NFE2L2: variants seen among roughly 807,000 people sequenced by gnomAD.
The protein encoded by NFE2L2 is NFE2 like bZIP transcription factor 2, also known as nuclear factor erythroid 2-related factor 2.
Under a neutral mutation model 49.6 loss-of-function variants are expected in NFE2L2, and 20 were observed. That is an observed-to-expected ratio of 0.40 (90% CI 0.28 to 0.59). NFE2L2 has a LOEUF of 0.59. Ranked by LOEUF, NFE2L2 falls within the 20% of genes least tolerant of loss-of-function variation. NFE2L2 has a pLI of 0.40. For missense variants in NFE2L2, 578 were observed against 714.2 expected, an observed-to-expected ratio of 0.81 and a Z score of 2.17; for synonymous variants, 244 against 256.5, an observed-to-expected ratio of 0.95 and a Z score of 0.47.
chr2:177,241,690 C>A (rs1689943428), intron 1 of NFE2L2, among the ~76,000 whole-genome samples: 1 of 151,924 alleles, frequency 6.6e-6, no homozygotes, highest in African/African-American at 2.4e-5. Flanking sequence ...CTCAACTCTA[C>A]AAAAAAATTT....
At chr2:177,243,473 T>A (rs1166405111) in intron 1 of NFE2L2, among the ~76,000 whole-genome samples, 1 of 152,208 alleles carries the variant, frequency 6.6e-6, no homozygotes, top group Non-Finnish European at 1.5e-5. Flanking sequence ...ATCCTGGATT[T>A]GTAAAGATAA....
At chr2:177,263,502 A>G in intron 1 of NFE2L2, 1 of 985,494 alleles carries the variant, frequency 1.0e-6, no homozygotes. Flanking sequence ...GAAAATAGCA[A>G]TTGCGCAACA....
At chr2:177,254,407 A>C (rs1412421927) in intron 1 of NFE2L2, among the ~76,000 whole-genome samples, 1 of 152,184 alleles carries the variant, frequency 6.6e-6, no homozygotes, top group African/African-American at 2.4e-5. Context: ...AAAAAACAAG[A>C]AAGTAATATT....
intron 4 of NFE2L2, 179 bp downstream of exon 4, chr2:177,232,213 G>A (rs1689578813): frequency 1.1e-6 from 1 of 894,320 alleles, no homozygotes. Context: ...TCAGACGTCA[G>A]GTTTATAACA....
intron 1 of NFE2L2, 69 bp downstream of exon 1, chr2:177,264,463 G>A: frequency 6.8e-7 from 1 of 1,472,264 alleles, no homozygotes; most frequent in Non-Finnish European, 9.1e-7. Context: ...TCCCTCCCGG[G>A]CCGCGGTTCC....
chr2:177,237,763 C>T (rs528983808), intron 1 of NFE2L2, among the ~76,000 whole-genome samples: 2 of 152,346 alleles, frequency 1.3e-5, no homozygotes, highest in South Asian at 4.1e-4. Flanking sequence ...AAGTGATCTG[C>T]CTGCCTCGGC....
chr2:177,257,739 C>A (rs182287178), intron 1 of NFE2L2, among the ~76,000 whole-genome samples: 1 of 152,312 alleles, frequency 6.6e-6, no homozygotes, highest in East Asian at 1.9e-4. Flanking sequence ...CCCGCCTGAG[C>A]TCCACCTCCT....
intron 1 of NFE2L2, among the ~76,000 whole-genome samples, chr2:177,247,883 C>T (rs115116838): frequency 0.013 from 2,039 of 152,172 alleles, 46 homozygotes; most frequent in African/African-American, 0.046. Flanking sequence ...AAGACCGAGG[C>T]TGGGCAAAGT....
rs756983196 is a variant in NFE2L2 at position 177,231,900 on chromosome 2, T to C, written c.703A>G (p.Met235Val). 34 of 1,614,094 alleles carry C rather than the reference T, an allele frequency of 2.1e-5. No individual in the cohort carries two copies. In the East Asian group the frequency reaches 4.7e-4, roughly 22 times the overall value. The part of the protein sequence containing the change: ...NYHFYSSIPS[M>V]EKEVGNCSPH... ...CTACAGTTACCTACTTCTTTTTCCA[T>C]TGAGGGTATAGATGAGTAAAAATGA... The change falls in exon 5 of 5, where the codon ATG becomes GTG. Residue 235 changes from methionine (M) to valine (V), a missense_variant. Met to Val is a conservative substitution (Grantham distance 21). Around this residue, in one of 3 missense-constraint regions of NFE2L2, gnomAD observed 368 missense variants for 384.6 expected, o/e 0.96. Transcript: ENST00000397062.
At chr2:177,258,825 A>T (rs1690623014) in intron 1 of NFE2L2, among the ~76,000 whole-genome samples, 1 of 152,200 alleles carries the variant, frequency 6.6e-6, no homozygotes, top group Non-Finnish European at 1.5e-5. Flanking sequence ...TTCTTCTCTG[A>T]TTTGAAAAAG....
In NFE2L2 at chr2:177,231,982, C is replaced by T. The variant is rs181513314; in HGVS notation, c.621G>A (p.Leu207=). The T allele has an allele frequency of 3.1e-6, 5 of 1,609,542 alleles. No individual in the cohort carries two copies. The highest frequency in any genetic ancestry group is 3.4e-6 in the Non-Finnish European group (4 of 1,177,760). The change falls in exon 5 of 5, where the codon CTG becomes CTA. Residue 207 remains leucine (L), a synonymous_variant. Coordinates refer to ENST00000397062, the MANE Select transcript of NFE2L2 (RefSeq NM_006164.5). Reference sequence around the variant, plus strand: ...GACTTGGAACCATGGTAGTCTCAACCAGCTTGTCATTTTCAATATTAAGAC... The same window carrying T: ...GACTTGGAACCATGGTAGTCTCAACTAGCTTGTCATTTTCAATATTAAGAC... ...LQCLNIENDK[L]VETTMVPSPE...
chr2:177,264,658 CTGG>C lies in NFE2L2; in HGVS notation c.-85_-83del, dbSNP rs1262255638. On this transcript the variant is annotated 5_prime_UTR_variant, in exon 1 of 5. Transcript: ENST00000397062. ...GAGGCGCGGCGCGGACAGGGCGGCT[CTGG>C]TGGCGGCGGCGGCGGCGGTGGCGGC... 34 of 1,267,530 alleles carry C rather than the reference CTGG, an allele frequency of 2.7e-5. No homozygotes were observed. In the Admixed American group the frequency reaches 1.5e-3, roughly 57 times the overall value. 78.5% of individuals were successfully genotyped at this position (1,267,530 alleles called of 1,614,324 possible).
chr2:177,231,121 T>C lies in NFE2L2; in HGVS notation c.1482A>G (p.Gln494=). The C allele has an allele frequency of 6.2e-7, 1 of 1,614,170 alleles. No individual in the cohort carries two copies. Among genetic ancestry groups the C allele is most frequent in the Non-Finnish European group, 8.5e-7 (1 of 1,180,036 alleles). ...TACGTATATCCCGAATTAATGCAAG[T>C]TGAGCTTCATTGAACTGCTCTTTGG... ...MMSKEQFNEA[Q]LALIRDIRRR... Residue 494 remains glutamine (Q), a synonymous_variant, in exon 5 of 5, where the codon CAA becomes CAG. Transcript: ENST00000397062.
In NFE2L2 at chr2:177,231,152, A is replaced by T; in HGVS notation, c.1451T>A (p.Met484Lys). The T allele has an allele frequency of 6.2e-7, 1 of 1,614,158 alleles. No individual in the cohort carries two copies. Among genetic ancestry groups the T allele is most frequent in the Middle Eastern group, 1.6e-4 (1 of 6,062 alleles). ...INLPVVDFNE[M>K]MSKEQFNEAQ... Reference sequence around the variant, plus strand: ...TTCATTGAACTGCTCTTTGGACATCATTTCGTTGAAGTCAACAACAGGGAG... The same window carrying T: ...TTCATTGAACTGCTCTTTGGACATCTTTTCGTTGAAGTCAACAACAGGGAG... The change falls in exon 5 of 5, where the codon ATG becomes AAG. Residue 484 changes from methionine (M) to lysine (K), a missense_variant. By Grantham distance (95) the Met-to-Lys change is moderately conservative (BLOSUM62 -1). Around this residue, in one of 3 missense-constraint regions of NFE2L2, gnomAD observed 117 missense variants for 175.8 expected, o/e 0.67. Coordinates refer to ENST00000397062, the MANE Select transcript of NFE2L2 (RefSeq NM_006164.5).
At chr2:177,253,625 T>C (rs1690417515) in intron 1 of NFE2L2, among the ~76,000 whole-genome samples, 1 of 152,240 alleles carries the variant, frequency 6.6e-6, no homozygotes, top group African/African-American at 2.4e-5. Flanking sequence ...CTAAGATATA[T>C]GGGGTTAGAG....
At chr2:177,259,925 G>A (rs1056932322) in intron 1 of NFE2L2, among the ~76,000 whole-genome samples, 1 of 151,576 alleles carries the variant, frequency 6.6e-6, no homozygotes. Flanking sequence ...GAGCAAGACT[G>A]CGTCTCAAAA....
At chr2:177,235,305 C>T (rs548145820) in intron 1 of NFE2L2, among the ~76,000 whole-genome samples, 14 of 150,386 alleles carry the variant, frequency 9.3e-5, no homozygotes, top group Admixed American at 4.6e-4. Context: ...GGTGTGGTGG[C>T]GCACACCTGT....
At position 177,261,011 on chromosome 2, in the gene NFE2L2, A is replaced by G. The variant is rs564386647; in HGVS notation, c.45+3521T>C. On this transcript the variant is annotated intron_variant, in intron 1 of 4. Coordinates refer to ENST00000397062, the MANE Select transcript of NFE2L2 (RefSeq NM_006164.5). ...GCCAACATGGTAAAACCCCATCTCT[A>G]CTAAAAATACAAAAATTAGCCGGGC... Among the ~76,000 whole-genome samples the G allele has an allele frequency of 6.7e-4, 102 of 152,080 alleles. 1 individual carries two copies. The highest frequency in any genetic ancestry group is 2.4e-3 in the African/African-American group (99 of 41,462).
intron 1 of NFE2L2, 85 bp downstream of exon 1, chr2:177,264,447 C>A: frequency 7.2e-7 from 1 of 1,397,240 alleles, no homozygotes; most frequent in East Asian, 2.8e-5. Context: ...AAGCCGGTTG[C>A]GGCTGTCCCT....
Sources: allele counts gnomAD v4.1 joint callset (sites outside exome capture counted in the v4.1 genomes callset), GRCh38; gene constraint gnomAD v4.1.1; regional missense constraint gnomAD v4.1.1; transcripts MANE v1.5; gene names NCBI Gene and HGNC (gene_info 2026-07-23, HGNC 2026-07-21).